OSBPL8: variants seen among roughly 807,000 people sequenced by gnomAD.
OSBPL8 encodes oxysterol binding protein like 8.
Under a neutral mutation model 125.5 loss-of-function variants are expected in OSBPL8, and 59 were observed. The observed-to-expected ratio is 0.47, with a 90% CI of 0.38 to 0.58. The LOEUF (loss-of-function observed/expected upper bound fraction) is 0.58. OSBPL8 is among the 20% of genes least tolerant of loss of function. OSBPL8 has a pLI of 0.00. For missense variants in OSBPL8, 758 were observed against 1,047.8 expected, an observed-to-expected ratio of 0.72 and a Z score of 3.82; for synonymous variants, 330 against 338.9, an observed-to-expected ratio of 0.97 and a Z score of 0.29.
chr12:76,510,765 C>T (rs1045293259), intron 1 of OSBPL8, among the ~76,000 whole-genome samples: 1 of 151,884 alleles, frequency 6.6e-6, no homozygotes, highest in African/African-American at 2.4e-5. Context: ...CCTGTAATCC[C>T]AGCTACTCGT....
chr12:76,526,159 A>G (rs761180858), intron 1 of OSBPL8, among the ~76,000 whole-genome samples: 2 of 152,226 alleles, frequency 1.3e-5, no homozygotes, highest in Non-Finnish European at 2.9e-5. Flanking sequence ...ACCTTGAAAC[A>G]AATTTCTACA....
intron 9 of OSBPL8, 63 bp downstream of exon 9, chr12:76,394,582 G>C (rs1185483066): frequency 9.0e-7 from 1 of 1,107,998 alleles, no homozygotes; most frequent in Non-Finnish European, 1.3e-6. Context: ...ATAATACAAA[G>C]TGGCATTAAA....
chr12:76,549,154 A>G (rs947270684), intron 1 of OSBPL8, among the ~76,000 whole-genome samples: 1 of 152,216 alleles, frequency 6.6e-6, no homozygotes, highest in Non-Finnish European at 1.5e-5. Flanking sequence ...CAAGACAGAA[A>G]GCAACTGCCT....
At chr12:76,474,782 C>T (rs1294871265) in intron 2 of OSBPL8, among the ~76,000 whole-genome samples, 5 of 152,160 alleles carry the variant, frequency 3.3e-5, no homozygotes, top group African/African-American at 1.2e-4. Context: ...TGCACCCAGC[C>T]CGAAATTAAA....
In OSBPL8 at chr12:76,361,630, T is replaced by C. The variant is rs185021307; in HGVS notation, c.2329-2819A>G. On this transcript the variant is annotated intron_variant, in intron 21 of 23. Transcript: ENST00000261183. ...AGAAAAGGAGGCTTAAATTTGATGT[T>C]CAGTTCCACATGACTTGGGAGGTCT... is the stretch of plus-strand genomic sequence containing the variant. 5.5e-3 allele frequency among the ~76,000 whole-genome samples: 841 copies of C among 152,320 alleles called. 7 individuals carry two copies. Among genetic ancestry groups the C allele is most frequent in the Non-Finnish European group, 6.9e-3 (466 of 68,022 alleles).
At chr12:76,382,028 C>T (rs1198399779) in intron 15 of OSBPL8, among the ~76,000 whole-genome samples, 4 of 152,116 alleles carry the variant, frequency 2.6e-5, no homozygotes, top group Admixed American at 1.3e-4. Context: ...AGCCACCATG[C>T]GCGGCCTACT....
intron 1 of OSBPL8, among the ~76,000 whole-genome samples, chr12:76,514,716 A>C (rs766915893): frequency 1.3e-5 from 2 of 152,200 alleles, no homozygotes; most frequent in Non-Finnish European, 2.9e-5. Context: ...AAGCTGGGGA[A>C]GTTTTCATGG....
At chr12:76,499,354 T>TATCTATC (rs1879649087) in intron 1 of OSBPL8, among the ~76,000 whole-genome samples, 9 of 121,554 alleles carry the variant, frequency 7.4e-5, no homozygotes, top group Non-Finnish European at 1.5e-4. Flanking sequence ...ATCTATCATC[T>TATCTATC]ATCTATCTAT....
intron 1 of OSBPL8, among the ~76,000 whole-genome samples, chr12:76,490,814 A>G (rs1055603780): frequency 1.3e-5 from 2 of 152,248 alleles, no homozygotes; most frequent in African/African-American, 4.8e-5. Flanking sequence ...CCACCCACAG[A>G]CAGCAGAGCT....
chr12:76,548,626 A>C (rs1400312036), intron 1 of OSBPL8, among the ~76,000 whole-genome samples: 1 of 151,960 alleles, frequency 6.6e-6, no homozygotes, highest in African/African-American at 2.4e-5. Context: ...CCAGCATTTA[A>C]AGGGCCCATA....
intron 8 of OSBPL8, among the ~76,000 whole-genome samples, chr12:76,395,531 T>C (rs1953754595): frequency 6.6e-6 from 1 of 150,914 alleles, no homozygotes; most frequent in Non-Finnish European, 1.5e-5. Flanking sequence ...AAAAATTTAA[T>C]ATGACTTTAA....
intron 1 of OSBPL8, among the ~76,000 whole-genome samples, chr12:76,487,944 T>C (rs1565938498): frequency 6.6e-6 from 1 of 152,208 alleles, no homozygotes; most frequent in African/African-American, 2.4e-5. Flanking sequence ...CTAAAAAGTA[T>C]GCTAAAATCC....
In OSBPL8 at chr12:76,512,250, T is replaced by C. The variant is rs76054428; in HGVS notation, c.-67-24632A>G. 3.9e-5 allele frequency among the ~76,000 whole-genome samples: 6 copies of C among 152,344 alleles called. No individual in the cohort carries two copies. In the South Asian group the frequency reaches 1.0e-3, roughly 26 times the overall value. ...TCTGTTTTTCTGTTCCTGAGTTAGTTTGCTAAAGAAGAGAGCCTCCAGCTC... is the reference window on the plus strand; with the variant it reads ...TCTGTTTTTCTGTTCCTGAGTTAGTCTGCTAAAGAAGAGAGCCTCCAGCTC... On this transcript the variant is annotated intron_variant, in intron 1 of 23. Transcript: ENST00000261183.
intron 2 of OSBPL8, among the ~76,000 whole-genome samples, chr12:76,473,107 CTT>C (rs1311647395): frequency 6.6e-6 from 1 of 152,176 alleles, no homozygotes. Context: ...GGCTCACACT[CTT>C]GTCTTCTGGT....
rs145142092 is a variant in OSBPL8 at position 76,503,180 on chromosome 12, C to T, written c.-67-15562G>A. The stretch of plus-strand genomic sequence containing the variant: ...TTTCTAGCGTTGCCATAATAAAATA[C>T]GACAAACTGGGGGTAGCTTAAACAA... On this transcript the variant is annotated intron_variant, in intron 1 of 23. Transcript: ENST00000261183. Among the ~76,000 whole-genome samples the T allele has an allele frequency of 9.0e-3, 1,366 of 152,260 alleles. 19 individuals carry two copies. The highest frequency in any genetic ancestry group is 0.028 in the South Asian group (133 of 4,820).
At chr12:76,398,463 TA>T (rs771157245) in intron 7 of OSBPL8, among the ~76,000 whole-genome samples, 12 of 152,292 alleles carry the variant, frequency 7.9e-5, no homozygotes, top group East Asian at 1.9e-4. Flanking sequence ...GAGGATATTT[TA>T]AAATCAAGTT....
intron 4 of OSBPL8, among the ~76,000 whole-genome samples, chr12:76,449,650 G>A (rs189682645): frequency 3.9e-5 from 6 of 152,224 alleles, no homozygotes; most frequent in Non-Finnish European, 8.8e-5. Context: ...CCTTTAGTAC[G>A]TAAGATTTTA....
At chr12:76,413,585 C>A (rs770195446) in intron 4 of OSBPL8, among the ~76,000 whole-genome samples, 1 of 152,162 alleles carries the variant, frequency 6.6e-6, no homozygotes, top group African/African-American at 2.4e-5. Flanking sequence ...TGCAAAAGTT[C>A]TCTTTTCTCC....
chr12:76,399,755 G>T, intron 7 of OSBPL8, 118 bp downstream of exon 7: 1 of 637,136 alleles, frequency 1.6e-6, no homozygotes, highest in South Asian at 3.0e-5. Context: ...CTTTGCCAGT[G>T]AAAAACAATC....
Sources: allele counts gnomAD v4.1 joint callset (sites outside exome capture counted in the v4.1 genomes callset), GRCh38; gene constraint gnomAD v4.1.1; transcripts MANE v1.5; gene names NCBI Gene and HGNC (gene_info 2026-07-23, HGNC 2026-07-21).